STK32B: variants seen among roughly 807,000 people sequenced by gnomAD.
The protein encoded by STK32B is serine/threonine-protein kinase 32B.
A neutral mutation model predicts 52.6 loss-of-function variants in STK32B; 43 were observed. The observed-to-expected ratio is 0.82, with a 90% CI of 0.64 to 1.05. STK32B has a LOEUF of 1.05. STK32B is among the 50% of genes least tolerant of loss of function. The pLI is 0.00. For missense variants in STK32B, 621 were observed against 534.6 expected, an observed-to-expected ratio of 1.16 and a Z score of -1.59; for synonymous variants, 238 against 204.3, an observed-to-expected ratio of 1.17 and a Z score of -1.41.
chr4:5,358,284 T>C (rs1202968634), intron 4 of STK32B, among the ~76,000 whole-genome samples: 1 of 152,216 alleles, frequency 6.6e-6, no homozygotes, highest in African/African-American at 2.4e-5. Context: ...GAGAGCAGAA[T>C]ATGAAAGCAG....
At chr4:5,048,717 C>T (rs934006386), upstream of STK32B, among the ~76,000 whole-genome samples, 8 of 152,370 alleles carry the variant, frequency 5.3e-5, no homozygotes, top group African/African-American at 1.9e-4. Context: ...CGTGAAACGC[C>T]ACACCTGGCC....
intron 6 of STK32B, among the ~76,000 whole-genome samples, chr4:5,446,228 C>T (rs1715405249): frequency 1.3e-5 from 2 of 152,216 alleles, no homozygotes; most frequent in Non-Finnish European, 2.9e-5. Context: ...AGGGTACAAA[C>T]CACATGGCAT....
At chr4:5,189,273 A>C (rs1720996100) in intron 3 of STK32B, among the ~76,000 whole-genome samples, 1 of 152,154 alleles carries the variant, frequency 6.6e-6, no homozygotes, top group Non-Finnish European at 1.5e-5. Flanking sequence ...CATACGGAGC[A>C]ATGTCACTGC....
intron 3 of STK32B, among the ~76,000 whole-genome samples, chr4:5,269,766 A>G (rs1183988445): frequency 6.6e-6 from 1 of 152,198 alleles, no homozygotes; most frequent in African/African-American, 2.4e-5. Flanking sequence ...AATAAAGGAA[A>G]TACACCCCAG....
intron 3 of STK32B, among the ~76,000 whole-genome samples, chr4:5,290,416 C>G (rs1728824517): frequency 6.6e-6 from 1 of 151,948 alleles, no homozygotes; most frequent in Non-Finnish European, 1.5e-5. Context: ...CATTTTTAAA[C>G]TTTTTTGTTA....
the STK32B span, among the ~76,000 whole-genome samples, chr4:5,036,898 C>T: frequency 6.6e-6 from 1 of 151,892 alleles, no homozygotes; most frequent in Non-Finnish European, 1.5e-5. Flanking sequence ...GAACTCCTGA[C>T]CTCGTGATCT....
At chr4:5,471,500 C>A (rs1717851589) in intron 11 of STK32B, among the ~76,000 whole-genome samples, 1 of 152,058 alleles carries the variant, frequency 6.6e-6, no homozygotes, top group Admixed American at 6.5e-5. Flanking sequence ...AAGGAGCCAA[C>A]CCTGCCCACA....
rs1402228525 is a variant in STK32B at position 5,466,712 on chromosome 4, T to A, written c.919T>A (p.Leu307Met). ...TTCTACTCCCCTTTAGAAAGGGAGG[T>A]TGAACTGCGATCCCACATTTGAGCT... ...MPGFVPNKGR[L>M]NCDPTFELEE... Residue 307 changes from leucine (L) to methionine (M), a missense_variant, in exon 10 of 12, where the codon TTG becomes ATG. Physicochemically the swap from Leu to Met is conservative, Grantham distance 15 (BLOSUM62 2). Coordinates refer to ENST00000282908, the MANE Select transcript of STK32B (RefSeq NM_018401.3). The A allele has an allele frequency of 6.2e-7, 1 of 1,613,236 alleles. No homozygotes were observed. The highest frequency in any genetic ancestry group is 1.7e-5 in the Admixed American group (1 of 59,888).
intron 6 of STK32B, among the ~76,000 whole-genome samples, chr4:5,437,535 A>C (rs1441832367): frequency 1.3e-5 from 2 of 152,204 alleles, no homozygotes; most frequent in East Asian, 3.9e-4. Flanking sequence ...GGATGATTTT[A>C]TCTTGAGATA....
At chr4:5,297,694 A>G (rs1247156492) in intron 3 of STK32B, among the ~76,000 whole-genome samples, 1 of 149,896 alleles carries the variant, frequency 6.7e-6, no homozygotes, top group Non-Finnish European at 1.5e-5. Flanking sequence ...CCCTTTATCA[A>G]GGTTCTTAGC....
At chr4:5,169,021 G>A (rs113657551) in intron 3 of STK32B, among the ~76,000 whole-genome samples, 14 of 152,142 alleles carry the variant, frequency 9.2e-5, no homozygotes, top group Admixed American at 1.3e-4. Flanking sequence ...GTGCTTTTGC[G>A]TGTGAAATAT....
chr4:5,181,813 G>T (rs1720388137), intron 3 of STK32B, among the ~76,000 whole-genome samples: 1 of 152,202 alleles, frequency 6.6e-6, no homozygotes, highest in South Asian at 2.1e-4. Context: ...CCTTGATGTT[G>T]ACTGATCAGA....
At chr4:5,024,444 A>G in the STK32B span, among the ~76,000 whole-genome samples, 1 of 152,178 alleles carries the variant, frequency 6.6e-6, no homozygotes, top group Non-Finnish European at 1.5e-5. Flanking sequence ...ATGCAAGCCA[A>G]TTCCTTGTAC....
Position 5,399,778 on chromosome 4 carries a change from T to G in STK32B, c.472+1534T>G, listed in dbSNP as rs1737171980. 6.6e-6 allele frequency among the ~76,000 whole-genome samples: 1 copy of G among 152,090 alleles called. No homozygotes were observed. The highest frequency in any genetic ancestry group is 1.5e-5 in the Non-Finnish European group (1 of 68,010). On this transcript the variant is annotated intron_variant, in intron 5 of 11. Transcript: ENST00000282908. The surrounding 1 kb of genome is among the most constrained non-coding windows in gnomAD (Gnocchi z 5.4). ...AGGGTGGTGAATGTCTCATCTCGGG[T>G]GAGACTCGAAGGTCAGCCACCCATC...
intron 1 of STK32B, among the ~76,000 whole-genome samples, chr4:5,070,729 C>G (rs185144231): frequency 3.3e-5 from 5 of 152,300 alleles, no homozygotes; most frequent in African/African-American, 4.8e-5. Context: ...TCTCTCAGAG[C>G]AGCATCGCTC....
intron 4 of STK32B, among the ~76,000 whole-genome samples, chr4:5,335,443 T>C (rs1732594386): frequency 6.6e-6 from 1 of 152,188 alleles, no homozygotes; most frequent in African/African-American, 2.4e-5. Flanking sequence ...CTGGATTCAT[T>C]AATTTTTTCA....
At chr4:5,036,929 G>T in the STK32B span, among the ~76,000 whole-genome samples, 1 of 152,040 alleles carries the variant, frequency 6.6e-6, no homozygotes, top group African/African-American at 2.4e-5. Context: ...GCCTCCCAAA[G>T]TGCTGGGATT....
chr4:5,375,226 A>G (rs1042508066), intron 4 of STK32B, among the ~76,000 whole-genome samples: 26 of 151,522 alleles, frequency 1.7e-4, no homozygotes, highest in African/African-American at 5.8e-4. Flanking sequence ...ATCCACCCCC[A>G]GTCCTTCCAG....
intron 3 of STK32B, among the ~76,000 whole-genome samples, chr4:5,224,777 CAT>C (rs1362983908): frequency 6.6e-6 from 1 of 151,990 alleles, no homozygotes. Context: ...ATGTATTAAT[CAT>C]ATCAACTCTG....
Sources: gnomAD v4.1 joint callset for allele counts (sites outside exome capture counted in the v4.1 genomes callset) on GRCh38, gnomAD v4.1.1 for gene constraint, Gnocchi (gnomAD v3.1) non-coding constraint, MANE v1.5 for transcripts, NCBI Gene and HGNC (gene_info 2026-07-23, HGNC 2026-07-21) for gene names.